RBBP8NL: variants seen among roughly 807,000 people sequenced by gnomAD.
RBBP8NL encodes the protein RBBP8 N-terminal-like protein.
RBBP8NL carries 59 observed loss-of-function variants against 62.2 expected under a neutral mutation model. The observed-to-expected ratio is 0.95, with a 90% CI of 0.77 to 1.18. RBBP8NL has a LOEUF of 1.18. Ranked by LOEUF, RBBP8NL falls within the 50% of genes most tolerant of loss-of-function variation. The pLI is 0.00. For synonymous variants in RBBP8NL, 412 were observed against 394.1 expected (o/e 1.05, Z -0.54); for missense variants, 896 against 899.5 (o/e 1.00, Z 0.05).
At chr20:62,423,956 C>T (rs1188182130) in intron 1 of RBBP8NL, among the ~76,000 whole-genome samples, 2 of 151,788 alleles carry the variant, frequency 1.3e-5, no homozygotes, top group Non-Finnish European at 2.9e-5. Flanking sequence ...GTTTGTTGGG[C>T]TTGCCAAGGG....
At chr20:62,420,947 C>T (rs1477512906) in intron 1 of RBBP8NL, among the ~76,000 whole-genome samples, 1 of 152,260 alleles carries the variant, frequency 6.6e-6, no homozygotes, top group Non-Finnish European at 1.5e-5. Flanking sequence ...ATCGTCAAAC[C>T]CTCCCAGACC....
At chr20:62,425,817 T>A (rs921456891) in intron 1 of RBBP8NL, among the ~76,000 whole-genome samples, 1 of 152,268 alleles carries the variant, frequency 6.6e-6, no homozygotes, top group Non-Finnish European at 1.5e-5. Flanking sequence ...CTGGGCTGTC[T>A]GTATGTCCAT....
chr20:62,420,200 C>T (rs1988668032), intron 1 of RBBP8NL, among the ~76,000 whole-genome samples: 1 of 152,072 alleles, frequency 6.6e-6, no homozygotes, highest in African/African-American at 2.4e-5. Flanking sequence ...AGTAAGAGCC[C>T]CACAGACCCT....
rs765104494 is a variant in RBBP8NL at position 62,411,005 on chromosome 20, A to G, written c.1877-9T>C. The G allele has an allele frequency of 3.8e-6, 6 of 1,580,002 alleles. No homozygotes were observed. Among genetic ancestry groups the G allele is most frequent in the Non-Finnish European group, 5.2e-6 (6 of 1,149,386 alleles). Reference sequence around the variant, plus strand: ...GGATGGCTTTTTGGAGGCTATGGGAAGTGGCCGGAGGTCAGGCCGGAGCTG... The same window carrying G: ...GGATGGCTTTTTGGAGGCTATGGGAGGTGGCCGGAGGTCAGGCCGGAGCTG... On this transcript the variant is annotated splice_polypyrimidine_tract_variant and intron_variant, in intron 13 of 13. Transcript: ENST00000252998.
rs185353186 is a variant in RBBP8NL, at chr20:62,417,314, G to T, written c.110C>A (p.Ala37Asp). ...LELNSERCRDAQRIEELFSKN... is the reference protein window; with the variant it reads ...LELNSERCRDDQRIEELFSKN... Reference sequence around the variant, plus strand: ...GGAGAAGAGCTCCTCGATCCTCTGGGCGTCCCTGTGGTGGGAAACAGCTAA... The same window carrying T: ...GGAGAAGAGCTCCTCGATCCTCTGGTCGTCCCTGTGGTGGGAAACAGCTAA... The change falls in exon 4 of 14, where the codon GCC becomes GAC. Residue 37 changes from alanine to aspartate, a missense_variant. Transcript: ENST00000252998. The T allele has an allele frequency of 6.3e-7, 1 of 1,592,936 alleles. No individual in the cohort carries two copies. The highest frequency in any genetic ancestry group is 8.5e-7 in the Non-Finnish European group (1 of 1,169,990).
chr20:62,419,585 A>G lies in RBBP8NL; in HGVS notation c.61+2T>C. ...GCCTGGCATCTGTCCCTGGCCCCTC[A>G]CCCAGGACTTCCTTCTCGTGGATCT... On this transcript the variant is annotated splice_donor_variant, in intron 2 of 13. Transcript: ENST00000252998. LOFTEE classifies it high-confidence loss of function. The G allele has an allele frequency of 6.2e-7, 1 of 1,613,346 alleles. No individual in the cohort carries two copies. Among genetic ancestry groups the G allele is most frequent in the Non-Finnish European group, 8.5e-7 (1 of 1,179,800 alleles).
intron 13 of RBBP8NL, among the ~76,000 whole-genome samples, chr20:62,411,908 AC>A (rs1490957088): frequency 6.6e-6 from 1 of 152,032 alleles, no homozygotes; most frequent in Non-Finnish European, 1.5e-5. Context: ...TGGCGGCACC[AC>A]CCCGCCTGCT....
chr20:62,411,082 C>T (rs1035510325), intron 13 of RBBP8NL, 86 bp from the exon 14 acceptor site: 5 of 837,864 alleles, frequency 6.0e-6, no homozygotes, highest in Non-Finnish European at 9.9e-6. Context: ...TCCTGGGTCT[C>T]CTCTGGGCAC....
In RBBP8NL at chr20:62,413,862, C is replaced by A; in HGVS notation, c.1489G>T (p.Gly497Trp). 6.3e-7 allele frequency: 1 copy of A among 1,596,624 alleles called. No individual in the cohort carries two copies. The highest frequency in any genetic ancestry group is 8.5e-7 in the Non-Finnish European group (1 of 1,172,614). ...TCCTCCTGCTCTGGCACTCTGGTCC[C>A]CTTGGTGCCATTGCTGAGTGCCTGG... is the stretch of plus-strand genomic sequence containing the variant. ...SPQALSNGTK[G>W]TRVPEQEEAS... Residue 497 changes from glycine (G) to tryptophan (W), a missense_variant, in exon 10 of 14, where the codon GGG (glycine) becomes TGG (tryptophan). Coordinates refer to ENST00000252998, the MANE Select transcript of RBBP8NL (RefSeq NM_080833.3).
intron 1 of RBBP8NL, among the ~76,000 whole-genome samples, chr20:62,424,896 G>A (rs1044754600): frequency 2.6e-5 from 4 of 152,144 alleles, no homozygotes; most frequent in South Asian, 2.1e-4. Context: ...CCCCCCACCC[G>A]CTGAGCTGGC....
intron 1 of RBBP8NL, among the ~76,000 whole-genome samples, chr20:62,426,331 CAG>C (rs1988807677): frequency 6.6e-6 from 1 of 152,266 alleles, no homozygotes; most frequent in Non-Finnish European, 1.5e-5. Flanking sequence ...AAGCCAAGCT[CAG>C]AGTGGTGCCC....
In RBBP8NL at chr20:62,422,131, C is replaced by T. The variant is rs191790250; in HGVS notation, c.-83-2401G>A. Among the ~76,000 whole-genome samples the T allele has an allele frequency of 6.3e-3, 955 of 152,312 alleles. 11 individuals carry two copies. Among genetic ancestry groups the T allele is most frequent in the African/African-American group, 0.022 (896 of 41,562 alleles). On this transcript the variant is annotated intron_variant, in intron 1 of 13. Transcript: ENST00000252998. ...CACCGCTCTGCTCAAAATCCAACTT[C>T]GGGCTCGCAGCTGGAGGCCATGCCC...
In RBBP8NL at chr20:62,410,873, G is replaced by A; in HGVS notation, c.*5C>T. 6.2e-7 allele frequency: 1 copy of A among 1,600,438 alleles called. No individual in the cohort carries two copies. Among genetic ancestry groups the A allele is most frequent in the Non-Finnish European group, 8.6e-7 (1 of 1,169,180 alleles). ...GGGCTCGCTGTGGACCCTGGTGCAGGCTGGCTAGGTCTCCTCCCAGGGGCT... is the reference window on the plus strand; with the variant it reads ...GGGCTCGCTGTGGACCCTGGTGCAGACTGGCTAGGTCTCCTCCCAGGGGCT... On this transcript the variant is annotated 3_prime_UTR_variant, in exon 14 of 14. Transcript: ENST00000252998.
intron 1 of RBBP8NL, among the ~76,000 whole-genome samples, chr20:62,423,254 A>C (rs1225636916): frequency 1.3e-5 from 2 of 152,182 alleles, no homozygotes; most frequent in African/African-American, 4.8e-5. Context: ...AGGCTCAAAC[A>C]GATCAAGCCT....
At position 62,414,397 on chromosome 20, in the gene RBBP8NL, C is replaced by G; in HGVS notation, c.954G>C (p.Arg318=). 1.3e-6 allele frequency: 2 copies of G among 1,536,710 alleles called. No homozygotes were observed. The highest frequency in any genetic ancestry group is 1.8e-6 in the Non-Finnish European group (2 of 1,135,006). Residue 318 remains arginine (R), a synonymous_variant, in exon 10 of 14, where the codon CGG becomes CGC. Coordinates refer to ENST00000252998, the MANE Select transcript of RBBP8NL (RefSeq NM_080833.3). The stretch of plus-strand genomic sequence containing the variant: ...CTTCTCTGGCCTTCAGGTCCTGGAG[C>G]CGGGGGTCGCTGGGGGCTGCAGCAG... ...LAPAAAPSDP[R]LQDLKAREAE... is the part of the protein sequence containing the mutation.
At chr20:62,418,190 C>T (rs892766872) in intron 3 of RBBP8NL, among the ~76,000 whole-genome samples, 17 of 152,166 alleles carry the variant, frequency 1.1e-4, no homozygotes, top group African/African-American at 1.9e-4. Flanking sequence ...GGAGAAGCCC[C>T]GAGTAGGGGG....
chr20:62,424,304 C>G (rs968512449), intron 1 of RBBP8NL, among the ~76,000 whole-genome samples: 1 of 150,306 alleles, frequency 6.7e-6, no homozygotes, highest in South Asian at 2.2e-4. Flanking sequence ...GTGGGGGGGG[C>G]AGGTGTGAGG....
rs144841066 is a variant in RBBP8NL, at chr20:62,423,539, G to A, written c.-83-3809C>T. 6.8e-3 allele frequency among the ~76,000 whole-genome samples: 1,029 copies of A among 152,304 alleles called. 12 individuals are homozygous for A. The highest frequency in any genetic ancestry group is 0.023 in the African/African-American group (968 of 41,550). On this transcript the variant is annotated intron_variant, in intron 1 of 13. Transcript: ENST00000252998. ...CCGCCCAACAGGCCACTCTTCCCTG[G>A]CCCCCAGCATCTGCCATGTGGGCTG...
rs773841918 is a variant in RBBP8NL, at chr20:62,415,136, C to T, written c.779G>A (p.Gly260Asp). The part of the protein sequence containing the change: ...SSPPSPAYER[G>D]LSLDSFLRAS... ...AGGCGGGCACCTGTCCAGGGAGAGG[C>T]CACGCTCATACGCTGGGCTGGGTGG... The change falls in exon 9 of 14, where the codon GGC becomes GAC. Residue 260 changes from glycine (G) to aspartate (D), a missense_variant. By Grantham distance (94) the Gly-to-Asp change is moderately conservative. Transcript: ENST00000252998. 8.1e-6 allele frequency: 12 copies of T among 1,490,528 alleles called. No individual in the cohort carries two copies. Among genetic ancestry groups the T allele is most frequent in the Non-Finnish European group, 2.7e-6 (3 of 1,116,904 alleles). The allele number at this position is 1,490,528 out of a possible 1,614,324, so 92.3% of individuals were successfully genotyped here.
Sources: allele counts gnomAD v4.1 joint callset (sites outside exome capture counted in the v4.1 genomes callset), GRCh38; gene constraint gnomAD v4.1.1; transcripts MANE v1.5; gene names NCBI Gene and HGNC (gene_info 2026-07-23, HGNC 2026-07-21).